The following RABGAP1L variants were observed in gnomAD, a reference collection of about 807,000 sequenced individuals.
The protein encoded by RABGAP1L is rab GTPase-activating protein 1-like.
A neutral mutation model predicts 137.7 loss-of-function variants in RABGAP1L; 63 were observed. The observed-to-expected ratio is 0.46, with a 90% CI of 0.37 to 0.56. RABGAP1L has a LOEUF of 0.56. Among genes scored for constraint, RABGAP1L ranks in the 20% least tolerant of loss-of-function variants. The probability of loss-of-function intolerance (pLI) is 0.00; values close to 1 mark genes in which losing one functional copy is unlikely to be tolerated. For synonymous variants in RABGAP1L, 431 were observed against 433.7 expected, an observed-to-expected ratio of 0.99 and a Z score of 0.08; for missense variants, 1,095 against 1,244.0, an observed-to-expected ratio of 0.88 and a Z score of 1.80.
At chr1:174,751,133 T>G (rs1211191771) in intron 17 of RABGAP1L, among the ~76,000 whole-genome samples, 2 of 152,214 alleles carry the variant, frequency 1.3e-5, no homozygotes, top group Non-Finnish European at 2.9e-5. Flanking sequence ...GTTTCTTAAA[T>G]AATCAGCTGA....
At chr1:174,336,491 A>G (rs1681475735) in intron 11 of RABGAP1L, among the ~76,000 whole-genome samples, 1 of 152,224 alleles carries the variant, frequency 6.6e-6, no homozygotes, top group Non-Finnish European at 1.5e-5. Context: ...TTTTAAAGAA[A>G]AGATAATCAT....
intron 13 of RABGAP1L, among the ~76,000 whole-genome samples, chr1:174,481,873 A>AT (rs1321419438): frequency 6.7e-6 from 1 of 150,200 alleles, no homozygotes; most frequent in East Asian, 1.9e-4. Context: ...TTAAAGTATA[A>AT]TAAAAAATAA....
chr1:174,856,109 A>G (rs1649231917), intron 19 of RABGAP1L, among the ~76,000 whole-genome samples: 1 of 152,204 alleles, frequency 6.6e-6, no homozygotes, highest in African/African-American at 2.4e-5. Flanking sequence ...TTAAAATGGA[A>G]AGACAAGCTG....
chr1:174,374,323 G>A (rs1685341793), intron 12 of RABGAP1L, among the ~76,000 whole-genome samples: 1 of 152,088 alleles, frequency 6.6e-6, no homozygotes, highest in African/African-American at 2.4e-5. Context: ...TGATTCTCTG[G>A]TGAAGAACAG....
chr1:174,925,354 C>CAAA lies in RABGAP1L; in HGVS notation c.2341-32080_2341-32078dup, dbSNP rs545791515. 3.2e-3 allele frequency among the ~76,000 whole-genome samples: 172 copies of CAAA among 54,470 alleles called. 1 individual carries two copies. Among genetic ancestry groups the CAAA allele is most frequent in the South Asian group, 3.7e-3 (4 of 1,092 alleles). The allele number at this position is 54,470 out of a possible 152,430, so 35.7% of individuals were successfully genotyped here. On this transcript the variant is annotated intron_variant, in intron 19 of 25. Coordinates refer to ENST00000681986, the MANE Select transcript of RABGAP1L (RefSeq NM_001366446.1). ...CAGAGCGAGACTCGAGACTCCGTCT[C>CAAA]AAAAAAAAAAAAAAAAAAAAAAAAA...
At chr1:174,711,403 G>A (rs1680503812) in intron 17 of RABGAP1L, among the ~76,000 whole-genome samples, 1 of 152,078 alleles carries the variant, frequency 6.6e-6, no homozygotes, top group South Asian at 2.1e-4. Context: ...AGAGGGAGAG[G>A]CGTGGGTGGG....
intron 13 of RABGAP1L, among the ~76,000 whole-genome samples, chr1:174,599,613 G>GT (rs1395369466): frequency 2.6e-5 from 4 of 151,568 alleles, no homozygotes; most frequent in Non-Finnish European, 5.9e-5. Flanking sequence ...CTGGATAAAA[G>GT]TTTTTTTTTC....
intron 18 of RABGAP1L, among the ~76,000 whole-genome samples, chr1:174,804,163 T>C (rs1689023617): frequency 6.6e-6 from 1 of 152,030 alleles, no homozygotes; most frequent in Non-Finnish European, 1.5e-5. Context: ...GAGTCCATAC[T>C]CTGTAAGTGT....
intron 14 of RABGAP1L, among the ~76,000 whole-genome samples, chr1:174,661,333 C>T (rs190562959): frequency 1.2e-4 from 18 of 152,222 alleles, no homozygotes; most frequent in Admixed American, 4.6e-4. Flanking sequence ...ATGATCTGTT[C>T]ATCACTGTGG....
intron 19 of RABGAP1L, among the ~76,000 whole-genome samples, chr1:174,955,086 T>C (rs971643152): frequency 6.6e-6 from 1 of 152,224 alleles, no homozygotes; most frequent in Non-Finnish European, 1.5e-5. Context: ...TGGCAGGTGG[T>C]GCTTTCCTTT....
intron 15 of RABGAP1L, among the ~76,000 whole-genome samples, chr1:174,684,823 A>C (rs979771758): frequency 1.1e-4 from 16 of 152,022 alleles, no homozygotes; most frequent in Admixed American, 2.6e-4. Flanking sequence ...CCACACACAC[A>C]AAAGGTATCT....
At chr1:174,786,890 A>T (rs1379753247) in intron 18 of RABGAP1L, among the ~76,000 whole-genome samples, 1 of 152,180 alleles carries the variant, frequency 6.6e-6, no homozygotes, top group Admixed American at 6.6e-5. Flanking sequence ...CATTTACTCA[A>T]TATGTATTTA....
chr1:174,636,041 T>G (rs1673996000), intron 13 of RABGAP1L, among the ~76,000 whole-genome samples: 1 of 152,210 alleles, frequency 6.6e-6, no homozygotes, highest in Non-Finnish European at 1.5e-5. Context: ...TGATGTGAAT[T>G]GTACAAAATA....
chr1:174,899,180 G>T (rs1365254094), intron 19 of RABGAP1L, among the ~76,000 whole-genome samples: 1 of 152,016 alleles, frequency 6.6e-6, no homozygotes, highest in South Asian at 2.1e-4. Flanking sequence ...AACTTAAACT[G>T]CAGAGACTTT....
At chr1:174,194,492 C>T (rs759147941) in intron 1 of RABGAP1L, among the ~76,000 whole-genome samples, 3 of 152,070 alleles carry the variant, frequency 2.0e-5, no homozygotes, top group Non-Finnish European at 2.9e-5. Flanking sequence ...CCTCAGCCTC[C>T]CAAAGTGCTG....
intron 13 of RABGAP1L, among the ~76,000 whole-genome samples, chr1:174,522,987 G>A (rs147004075): frequency 2.0e-5 from 3 of 152,178 alleles, no homozygotes; most frequent in South Asian, 2.1e-4. Context: ...ACATCCAGAC[G>A]ATATTAGCTG....
At chr1:174,865,708 G>C (rs554485837) in intron 19 of RABGAP1L, among the ~76,000 whole-genome samples, 22 of 152,266 alleles carry the variant, frequency 1.4e-4, no homozygotes, top group African/African-American at 4.8e-4. Flanking sequence ...GCTGCGGTGA[G>C]AAGATTGCTT....
intron 19 of RABGAP1L, among the ~76,000 whole-genome samples, chr1:174,867,017 G>A (rs1251345609): frequency 1.3e-5 from 2 of 152,036 alleles, no homozygotes; most frequent in African/African-American, 4.8e-5. Flanking sequence ...GAACCCAGGA[G>A]GTTGAGGCTG....
At chr1:174,438,766 A>ATATATATATATG (rs1653772423) in intron 13 of RABGAP1L, among the ~76,000 whole-genome samples, 1 of 139,302 alleles carries the variant, frequency 7.2e-6, no homozygotes, top group Non-Finnish European at 1.5e-5. Flanking sequence ...ATATATATAT[A>ATATATATATATG]TATATATATA....
Sources: gnomAD v4.1 joint callset for allele counts (sites outside exome capture counted in the v4.1 genomes callset) on GRCh38, gnomAD v4.1.1 for gene constraint, MANE v1.5 for transcripts, NCBI Gene and HGNC (gene_info 2026-07-23, HGNC 2026-07-21) for gene names.